The following RGS7 variants were observed in gnomAD, a reference collection of about 807,000 sequenced individuals.
The protein encoded by RGS7 is regulator of G protein signaling 7, also known as regulator of G-protein signaling 7.
A neutral mutation model predicts 81.1 loss-of-function variants in RGS7; 27 were observed. That is an observed-to-expected ratio of 0.33 (90% CI 0.25 to 0.46). The LOEUF (loss-of-function observed/expected upper bound fraction) is 0.46, where lower values mean the gene tolerates loss of function less well. Among genes scored for constraint, RGS7 ranks in the 20% least tolerant of loss-of-function variants. The probability of loss-of-function intolerance (pLI) is 1.00; values close to 1 mark genes in which losing one functional copy is unlikely to be tolerated. For missense variants in RGS7, 396 were observed against 607.4 expected, an observed-to-expected ratio of 0.65 and a Z score of 3.66; for synonymous variants, 208 against 207.7, an observed-to-expected ratio of 1.00 and a Z score of -0.01.
At position 241,163,580 on chromosome 1, in the gene RGS7, C is replaced by T. The variant is rs192870263; in HGVS notation, c.79-64818G>A. Among the ~76,000 whole-genome samples, 330 of 142,024 alleles carry T rather than the reference C, an allele frequency of 2.3e-3. 3 individuals carry two copies. Among genetic ancestry groups the T allele is most frequent in the African/African-American group, 7.9e-3 (306 of 38,936 alleles). The allele number at this position is 142,024 out of a possible 152,430, so 93.2% of individuals were successfully genotyped here. A position where few individuals can be genotyped will look rare whatever the true frequency, so the allele number is the denominator to read the frequency against. ...ATTTACCATCTATTCTCTCTGAGGG[C>T]GGCTACCTGTGAGATTTCATCTACA... On this transcript the variant is annotated intron_variant, in intron 2 of 18. Transcript: ENST00000440928. The surrounding 1 kb of genome is among the most constrained non-coding windows in gnomAD (Gnocchi z 4.6).
chr1:241,046,302 A>G, intron 3 of RGS7, among the ~76,000 whole-genome samples: 1 of 18,054 alleles, frequency 5.5e-5, no homozygotes, highest in East Asian at 2.0e-3. Context: ...TTCAGCCCTG[A>G]CCCCCCCCCC....
At chr1:241,062,653 A>T (rs1345683728) in intron 3 of RGS7, among the ~76,000 whole-genome samples, 1 of 152,218 alleles carries the variant, frequency 6.6e-6, no homozygotes, top group Admixed American at 6.5e-5. Context: ...ATTTCTGAAA[A>T]GAAAAATATA....
At chr1:241,289,517 C>A (rs967322560) in intron 2 of RGS7, among the ~76,000 whole-genome samples, 1 of 152,300 alleles carries the variant, frequency 6.6e-6, no homozygotes, top group Admixed American at 6.5e-5. Context: ...AAATCAGGTT[C>A]TACATATCTT....
intron 2 of RGS7, among the ~76,000 whole-genome samples, chr1:241,193,992 G>A (rs1025813693): frequency 7.2e-5 from 11 of 152,136 alleles, no homozygotes; most frequent in Non-Finnish European, 1.5e-4. Flanking sequence ...TACTCTCTTA[G>A]GAATTCCCTC....
At chr1:240,960,693 T>C (rs1026361645) in intron 4 of RGS7, among the ~76,000 whole-genome samples, 5 of 151,970 alleles carry the variant, frequency 3.3e-5, no homozygotes, top group African/African-American at 4.8e-5. Flanking sequence ...CCTTAACCTA[T>C]GTACAGTCAC....
At chr1:241,140,921 T>C (rs2067878486) in intron 2 of RGS7, among the ~76,000 whole-genome samples, 1 of 152,214 alleles carries the variant, frequency 6.6e-6, no homozygotes, top group Non-Finnish European at 1.5e-5. Flanking sequence ...TCACCTCTGA[T>C]CTTGTAGCAC....
At chr1:241,206,604 A>G (rs1264580931) in intron 2 of RGS7, among the ~76,000 whole-genome samples, 1 of 152,202 alleles carries the variant, frequency 6.6e-6, no homozygotes, top group Non-Finnish European at 1.5e-5. Context: ...ACGTGAGAAG[A>G]TGGAACTGCC....
chr1:241,195,398 C>A, intron 2 of RGS7, among the ~76,000 whole-genome samples: 1 of 152,068 alleles, frequency 6.6e-6, no homozygotes, highest in Non-Finnish European at 1.5e-5. Flanking sequence ...ATCACTCGAA[C>A]CCGGGAGGCA....
chr1:240,899,202 G>A (rs1303792164), intron 6 of RGS7, among the ~76,000 whole-genome samples: 1 of 152,084 alleles, frequency 6.6e-6, no homozygotes, highest in Non-Finnish European at 1.5e-5. Flanking sequence ...CGGGTCTCCT[G>A]AATACAGCAC....
chr1:241,321,390 T>C (rs1351879343), intron 2 of RGS7, among the ~76,000 whole-genome samples: 1 of 152,166 alleles, frequency 6.6e-6, no homozygotes, highest in Non-Finnish European at 1.5e-5. Context: ...TTCAAGCAAT[T>C]TGGAGTCCCC....
chr1:241,130,059 G>A (rs1411981133), intron 2 of RGS7, among the ~76,000 whole-genome samples: 2 of 152,146 alleles, frequency 1.3e-5, no homozygotes, highest in African/African-American at 4.8e-5. Flanking sequence ...AGGATATAGT[G>A]AGAAAGTTTC....
intron 6 of RGS7, chr1:240,920,134 C>A: frequency 1.1e-6 from 1 of 929,504 alleles, no homozygotes. Flanking sequence ...GTGGATAAGA[C>A]GGTCATTCAG....
Position 241,130,927 on chromosome 1 carries a change from C to CAAAAA in RGS7, c.79-32170_79-32166dup, listed in dbSNP as rs11365447. Reference sequence around the variant, plus strand: ...AATAATAGGATAAAAGGCTTAATTACAAAAAAAAAAAAAAAAAACCAAGAG... The same window carrying CAAAAA: ...AATAATAGGATAAAAGGCTTAATTACAAAAAAAAAAAAAAAAAAAAAAACCAAGAG... On this transcript the variant is annotated intron_variant, in intron 2 of 18. Transcript: ENST00000440928. 6.1e-3 allele frequency among the ~76,000 whole-genome samples: 553 copies of CAAAAA among 90,154 alleles called. 13 individuals carry two copies. The highest frequency in any genetic ancestry group is 0.019 in the African/African-American group (512 of 26,520). The allele number at this position is 90,154 out of a possible 152,430, so 59.1% of individuals were successfully genotyped here. A position where few individuals can be genotyped will look rare whatever the true frequency, so the allele number is the denominator to read the frequency against.
intron 3 of RGS7, among the ~76,000 whole-genome samples, chr1:241,093,376 T>A (rs2148936838): frequency 6.6e-6 from 1 of 152,312 alleles, no homozygotes. Context: ...TCGTACAAGT[T>A]AGTTACACGT....
chr1:241,089,021 A>ATATCTCTCTCTCTCTCTCTCTCTC (rs1491299995), intron 3 of RGS7, among the ~76,000 whole-genome samples: 2 of 23,660 alleles, frequency 8.5e-5, no homozygotes, highest in African/African-American at 5.4e-4. Context: ...GCAAGACTCC[A>ATATCTCTCTCTCTCTCTCTCTCTC]TCTCTCTCTC....
At chr1:241,303,610 T>C (rs968565934) in intron 2 of RGS7, among the ~76,000 whole-genome samples, 2 of 152,206 alleles carry the variant, frequency 1.3e-5, no homozygotes, top group Non-Finnish European at 2.9e-5. Context: ...TTTTTTCAGT[T>C]TGTATGTCTG....
intron 3 of RGS7, among the ~76,000 whole-genome samples, chr1:241,034,231 C>G (rs1174276072): frequency 6.6e-6 from 1 of 152,192 alleles, no homozygotes; most frequent in Non-Finnish European, 1.5e-5. Flanking sequence ...TTTCAACTTA[C>G]TGGTTTCTTA....
chr1:241,146,356 G>T (rs2068308621), intron 2 of RGS7, among the ~76,000 whole-genome samples: 1 of 152,116 alleles, frequency 6.6e-6, no homozygotes, highest in Admixed American at 6.5e-5. Context: ...ATACACAATG[G>T]CAAATCCTAT....
At chr1:241,297,103 A>C (rs2079472972) in intron 2 of RGS7, among the ~76,000 whole-genome samples, 1 of 152,118 alleles carries the variant, frequency 6.6e-6, no homozygotes, top group Non-Finnish European at 1.5e-5. Flanking sequence ...TGTCTCATCC[A>C]TTGCCTCATG....
Sources: allele counts gnomAD v4.1 joint callset (sites outside exome capture counted in the v4.1 genomes callset), GRCh38; gene constraint gnomAD v4.1.1; non-coding constraint Gnocchi (gnomAD v3.1); transcripts MANE v1.5; gene names NCBI Gene and HGNC (gene_info 2026-07-23, HGNC 2026-07-21).